The following SLC35G2 variants were observed in gnomAD, a reference collection of about 807,000 sequenced individuals.
SLC35G2 encodes the protein transmembrane protein 22.
Under a neutral mutation model 27.2 loss-of-function variants are expected in SLC35G2, and 20 were observed. The ratio of observed to expected loss-of-function variants is 0.74; its 90% CI spans 0.52 to 1.07. The LOEUF (loss-of-function observed/expected upper bound fraction) is 1.07. Among genes scored for constraint, SLC35G2 ranks in the 50% least tolerant of loss-of-function variants. The pLI is 0.00. For synonymous variants in SLC35G2, 148 were observed against 165.3 expected (o/e 0.90, Z 0.80); for missense variants, 416 against 493.3 (o/e 0.84, Z 1.48).
chr3:136,854,149 T>G (rs1008842137), intron 1 of SLC35G2, among the ~76,000 whole-genome samples: 1 of 152,106 alleles, frequency 6.6e-6, no homozygotes, highest in African/African-American at 2.4e-5. Context: ...CAGGTAGGAA[T>G]GAAAAGATGG....
chr3:136,831,636 G>A (rs1257777487), intron 1 of SLC35G2, among the ~76,000 whole-genome samples: 1 of 152,152 alleles, frequency 6.6e-6, no homozygotes, highest in Non-Finnish European at 1.5e-5. Flanking sequence ...AAGGCATGTG[G>A]GTGGGAATTT....
intron 1 of SLC35G2, among the ~76,000 whole-genome samples, chr3:136,848,200 G>A (rs1230792780): frequency 6.6e-6 from 1 of 152,194 alleles, no homozygotes; most frequent in African/African-American, 2.4e-5. Context: ...CAACAGATTA[G>A]GGGCTATTTA....
chr3:136,845,534 A>G (rs1219051239), intron 1 of SLC35G2, among the ~76,000 whole-genome samples: 1 of 152,190 alleles, frequency 6.6e-6, no homozygotes, highest in African/African-American at 2.4e-5. Context: ...GAATAGTTTA[A>G]TTCTCTAGTG....
rs532538606 is a variant in SLC35G2, at chr3:136,839,684, C to A, written c.-18-14759C>A. ...CTATACCTTCTGCTCTTATTTATTT[C>A]TTTTGTTTTTCTCAATCTTTTCCCT... On this transcript the variant is annotated intron_variant, in intron 1 of 1. Coordinates refer to ENST00000446465, the MANE Select transcript of SLC35G2 (RefSeq NM_025246.3). 8.1e-4 allele frequency among the ~76,000 whole-genome samples: 124 copies of A among 152,252 alleles called. 1 individual carries two copies. The highest frequency in any genetic ancestry group is 2.9e-3 in the African/African-American group (121 of 41,532).
chr3:136,838,667 C>CT (rs918859826), intron 1 of SLC35G2: 14 of 152,094 alleles, frequency 9.2e-5, no homozygotes, highest in Non-Finnish European at 1.8e-4. Context: ...TCAGGCTTGG[C>CT]TTTTTTGTGG....
At chr3:136,825,936 TCTC>T (rs1485668621) in intron 1 of SLC35G2, among the ~76,000 whole-genome samples, 1 of 152,236 alleles carries the variant, frequency 6.6e-6, no homozygotes, top group Non-Finnish European at 1.5e-5. Context: ...GGAAGTATTC[TCTC>T]CTCTATTTTT....
At chr3:136,848,694 C>A (rs1421783174) in intron 1 of SLC35G2, among the ~76,000 whole-genome samples, 2 of 152,140 alleles carry the variant, frequency 1.3e-5, no homozygotes, top group Admixed American at 6.6e-5. Context: ...AAATCAAATA[C>A]TGCATGTTCT....
At chr3:136,835,915 T>C (rs533949452) in intron 1 of SLC35G2, among the ~76,000 whole-genome samples, 1 of 152,274 alleles carries the variant, frequency 6.6e-6, no homozygotes, top group South Asian at 2.1e-4. Context: ...CTGAGAGTAC[T>C]TTTTTGGGGT....
intron 1 of SLC35G2, among the ~76,000 whole-genome samples, chr3:136,844,059 T>C (rs1049788474): frequency 2.0e-5 from 3 of 152,048 alleles, no homozygotes; most frequent in South Asian, 4.1e-4. Context: ...GTGCAAGTTA[T>C]AAGAAAACAA....
At position 136,840,923 on chromosome 3, in the gene SLC35G2, C is replaced by CT. The variant is rs71626030; in HGVS notation, c.-18-13500dup. Among the ~76,000 whole-genome samples the CT allele has an allele frequency of 5.5e-3, 669 of 121,494 alleles. 9 individuals are homozygous for CT. Among genetic ancestry groups the CT allele is most frequent in the East Asian group, 0.029 (128 of 4,362 alleles). The allele number at this position is 121,494 out of a possible 152,430, so 79.7% of individuals were successfully genotyped here. A position where few individuals can be genotyped will look rare whatever the true frequency, so the allele number is the denominator to read the frequency against. On this transcript the variant is annotated intron_variant, in intron 1 of 1. Transcript: ENST00000446465. Reference sequence around the variant, plus strand: ...CAGACGTGAGCCACTGTGCCTGGCCCTTTTTTTTTTTTTTTTTTTTCTTTT... The same window carrying CT: ...CAGACGTGAGCCACTGTGCCTGGCCCTTTTTTTTTTTTTTTTTTTTTCTTTT...
intron 1 of SLC35G2, among the ~76,000 whole-genome samples, chr3:136,832,896 G>A (rs1194085652): frequency 3.3e-5 from 5 of 151,992 alleles, no homozygotes; most frequent in African/African-American, 7.2e-5. Flanking sequence ...GGGAAACCCC[G>A]TCTCTACTAA....
Position 136,854,747 on chromosome 3 carries a change from A to C in SLC35G2, c.287A>C (p.Lys96Thr). ...EIGQFQSFAE[K>T]NIFQSRKMWI... ...GGACAATTCCAGAGCTTTGCAGAAA[A>C]AAACATTTTTCAATCCCGAAAAATG... The change falls in exon 2 of 2, where the codon AAA becomes ACA. Residue 96 changes from lysine (K) to threonine (T), a missense_variant. Physicochemically the swap from Lys to Thr is moderately conservative, Grantham distance 78. Coordinates refer to ENST00000446465, the MANE Select transcript of SLC35G2 (RefSeq NM_025246.3). 6.2e-7 allele frequency: 1 copy of C among 1,614,166 alleles called. No homozygotes were observed. Among genetic ancestry groups the C allele is most frequent in the Non-Finnish European group, 8.5e-7 (1 of 1,180,034 alleles).
chr3:136,824,732 T>C (rs1412679101), intron 1 of SLC35G2, among the ~76,000 whole-genome samples: 1 of 152,204 alleles, frequency 6.6e-6, no homozygotes, highest in Non-Finnish European at 1.5e-5. Context: ...CCAGTTTGGA[T>C]GTCCTTTATT....
intron 1 of SLC35G2, among the ~76,000 whole-genome samples, chr3:136,843,537 G>C (rs995382856): frequency 6.6e-6 from 1 of 151,718 alleles, no homozygotes; most frequent in Non-Finnish European, 1.5e-5. Flanking sequence ...TCCCAGCTAC[G>C]TGGGAGGTTG....
intron 1 of SLC35G2, among the ~76,000 whole-genome samples, chr3:136,845,472 G>C (rs1237991409): frequency 6.6e-6 from 1 of 152,188 alleles, no homozygotes; most frequent in African/African-American, 2.4e-5. Flanking sequence ...TTGAAACTCA[G>C]CCTGAAGATG....
intron 1 of SLC35G2, among the ~76,000 whole-genome samples, chr3:136,832,083 G>A (rs1667737190): frequency 6.6e-6 from 1 of 151,360 alleles, no homozygotes; most frequent in Non-Finnish European, 1.5e-5. Flanking sequence ...GCACGATCTC[G>A]GCTCACTGCA....
At chr3:136,832,203 A>T (rs775447817) in intron 1 of SLC35G2, among the ~76,000 whole-genome samples, 9 of 152,022 alleles carry the variant, frequency 5.9e-5, no homozygotes, top group Non-Finnish European at 1.0e-4. Flanking sequence ...TTTAGTAGAG[A>T]TGGGGTTTCA....
chr3:136,822,810 G>A (rs763770538), intron 1 of SLC35G2, among the ~76,000 whole-genome samples: 2 of 152,176 alleles, frequency 1.3e-5, no homozygotes, highest in African/African-American at 4.8e-5. Context: ...GTAAATATCT[G>A]TTGATGGACA....
intron 1 of SLC35G2, among the ~76,000 whole-genome samples, chr3:136,848,329 A>G (rs1374175473): frequency 6.6e-6 from 1 of 152,204 alleles, no homozygotes; most frequent in Non-Finnish European, 1.5e-5. Context: ...GTAGTTCAGC[A>G]TATCATAGGC....
Sources: gnomAD v4.1 joint callset for allele counts (sites outside exome capture counted in the v4.1 genomes callset) on GRCh38, gnomAD v4.1.1 for gene constraint, MANE v1.5 for transcripts, NCBI Gene and HGNC (gene_info 2026-07-23, HGNC 2026-07-21) for gene names.